KHDC1: variants seen among roughly 807,000 people sequenced by gnomAD.
The protein encoded by KHDC1 is KH domain containing 1.
KHDC1 carries 21 observed loss-of-function variants against 24.7 expected under a neutral mutation model. That is an observed-to-expected ratio of 0.85 (90% CI 0.60 to 1.23). KHDC1 has a LOEUF of 1.23. KHDC1 is among the 50% of genes most tolerant of loss of function. The probability of loss-of-function intolerance (pLI) is 0.00; values close to 1 mark genes in which losing one functional copy is unlikely to be tolerated. For missense variants in KHDC1, 274 were observed against 298.5 expected (o/e 0.92, Z 0.61); for synonymous variants, 98 against 111.7 (o/e 0.88, Z 0.77).
intron 2 of KHDC1, among the ~76,000 whole-genome samples, chr6:73,261,060 G>C (rs1204550537): frequency 6.6e-6 from 1 of 152,082 alleles, no homozygotes; most frequent in African/African-American, 2.4e-5. Context: ...TAATTACCTT[G>C]CAAACCTCTC....
At chr6:73,259,164 T>C (rs1436167085) in intron 2 of KHDC1, among the ~76,000 whole-genome samples, 1 of 152,180 alleles carries the variant, frequency 6.6e-6, no homozygotes, top group African/African-American at 2.4e-5. Flanking sequence ...TATTTTGAGA[T>C]TCAGATAGTG....
intron 1 of KHDC1, among the ~76,000 whole-genome samples, chr6:73,302,244 G>A (rs113310395): frequency 0.021 from 3,185 of 152,216 alleles, 111 homozygotes; most frequent in African/African-American, 0.072. Flanking sequence ...AGCCGAGATC[G>A]TGCCATTGCA....
intron 1 of KHDC1, among the ~76,000 whole-genome samples, chr6:73,305,174 G>A (rs1277522646): frequency 6.6e-6 from 1 of 152,016 alleles, no homozygotes; most frequent in African/African-American, 2.4e-5. Context: ...GGAAGCAGAG[G>A]TTGCAGTGAG....
intron 2 of KHDC1, among the ~76,000 whole-genome samples, chr6:73,271,598 GA>G (rs1767181749): frequency 6.6e-6 from 1 of 151,780 alleles, no homozygotes; most frequent in African/African-American, 2.4e-5. Context: ...TAGCCATTAA[GA>G]AGACTGAGGT....
chr6:73,266,176 T>A (rs969143775), intron 2 of KHDC1, among the ~76,000 whole-genome samples: 1 of 152,158 alleles, frequency 6.6e-6, no homozygotes, highest in Non-Finnish European at 1.5e-5. Context: ...AAAGATTAGT[T>A]GTGATCAGAG....
intron 1 of KHDC1, among the ~76,000 whole-genome samples, chr6:73,307,459 A>G (rs1299988937): frequency 6.6e-6 from 1 of 152,100 alleles, no homozygotes; most frequent in Non-Finnish European, 1.5e-5. Context: ...TAATTAAATA[A>G]AATCATTAGA....
intron 2 of KHDC1, among the ~76,000 whole-genome samples, chr6:73,260,923 A>G (rs1352288004): frequency 2.0e-5 from 3 of 152,048 alleles, no homozygotes; most frequent in African/African-American, 4.8e-5. Context: ...TCTTATATAT[A>G]TTTGTTTTCA....
intron 2 of KHDC1, among the ~76,000 whole-genome samples, chr6:73,261,156 G>A (rs1421657067): frequency 6.6e-6 from 1 of 152,202 alleles, no homozygotes; most frequent in African/African-American, 2.4e-5. Flanking sequence ...GTGATTAGAA[G>A]CATAGGCCAG....
chr6:73,292,894 A>G, intron 1 of KHDC1: 3 of 765,076 alleles, frequency 3.9e-6, no homozygotes, highest in Non-Finnish European at 6.9e-6. Flanking sequence ...AATGTGAATC[A>G]GTGCTTGTGA....
At chr6:73,250,000 T>C (rs1199720992) in intron 2 of KHDC1, among the ~76,000 whole-genome samples, 6 of 152,202 alleles carry the variant, frequency 3.9e-5, no homozygotes, top group African/African-American at 1.2e-4. Context: ...CTACATGAGT[T>C]TCTCAAGATT....
chr6:73,241,593 G>A, exon 5 of KHDC1: 2 of 1,614,186 alleles, frequency 1.2e-6, no homozygotes, highest in East Asian at 4.5e-5. Context: ...GGAAGGCTGA[G>A]GAACGCTAAG....
intron 2 of KHDC1, chr6:73,269,278 G>A (rs538290810): frequency 6.6e-6 from 1 of 152,620 alleles, no homozygotes; most frequent in East Asian, 1.9e-4. Context: ...TGCAAGCTGA[G>A]GGAGCCGGCT....
chr6:73,268,301 CT>C (rs1398087387), intron 2 of KHDC1: 1 of 153,396 alleles, frequency 6.5e-6, no homozygotes, highest in Non-Finnish European at 1.4e-5. Context: ...TCCCAGTGGG[CT>C]CGTGGTCTCG....
At chr6:73,293,498 G>A (rs61584268) in intron 1 of KHDC1, among the ~76,000 whole-genome samples, 6,587 of 152,284 alleles carry the variant, frequency 0.043, 345 homozygotes, top group African/African-American at 0.12. Flanking sequence ...GTTACAAAGA[G>A]GCTAGGTGCA....
intron 2 of KHDC1, among the ~76,000 whole-genome samples, chr6:73,271,221 TG>T (rs1305940756): frequency 1.3e-5 from 2 of 151,730 alleles, no homozygotes; most frequent in Non-Finnish European, 2.9e-5. Flanking sequence ...TTGTTGTTGT[TG>T]GGGGGGACAG....
chr6:73,248,582 A>G (rs1766717940), intron 2 of KHDC1, among the ~76,000 whole-genome samples: 1 of 152,208 alleles, frequency 6.6e-6, no homozygotes, highest in Non-Finnish European at 1.5e-5. Context: ...TGAGAAAATT[A>G]GAGTACAGAA....
At chr6:73,298,649 TC>T (rs1767807841) in intron 1 of KHDC1, among the ~76,000 whole-genome samples, 1 of 151,752 alleles carries the variant, frequency 6.6e-6, no homozygotes, top group South Asian at 2.1e-4. Context: ...TCCGTCAGGG[TC>T]AGGATCACCT....
intron 1 of KHDC1, among the ~76,000 whole-genome samples, chr6:73,306,684 C>T (rs995851113): frequency 2.7e-5 from 4 of 148,314 alleles, no homozygotes; most frequent in African/African-American, 1.0e-4. Flanking sequence ...TGCCCCGGGG[C>T]AGTGGGGGTG....
At chr6:73,279,627 G>A (rs1767368840) in intron 2 of KHDC1, among the ~76,000 whole-genome samples, 1 of 142,664 alleles carries the variant, frequency 7.0e-6, no homozygotes, top group African/African-American at 2.6e-5. Flanking sequence ...TGTCACCCAG[G>A]CTGGAGTGCA....
Sources: allele counts gnomAD v4.1 joint callset (sites outside exome capture counted in the v4.1 genomes callset), GRCh38; gene constraint gnomAD v4.1.1; transcripts MANE v1.5; gene names NCBI Gene and HGNC (gene_info 2026-07-23, HGNC 2026-07-21).